The following TENM2 variants were observed in gnomAD, a reference collection of about 807,000 sequenced individuals.
The protein encoded by TENM2 is teneurin transmembrane protein 2.
In TENM2, 52 loss-of-function variants were observed where a neutral mutation model predicts 245.2. The observed-to-expected ratio is 0.21, with a 90% CI of 0.17 to 0.27. The LOEUF (loss-of-function observed/expected upper bound fraction) is 0.27. Ranked by LOEUF, TENM2 falls within the 10% of genes least tolerant of loss-of-function variation. TENM2 has a pLI of 1.00. For missense variants in TENM2, 3,046 were observed against 3,666.8 expected (o/e 0.83, Z 4.37); for synonymous variants, 1,363 against 1,438.9 (o/e 0.95, Z 1.19).
intron 2 of TENM2, among the ~76,000 whole-genome samples, chr5:167,733,372 G>T (rs2150564919): frequency 6.6e-6 from 1 of 152,228 alleles, no homozygotes; most frequent in Non-Finnish European, 1.5e-5. Context: ...GATTTCCATG[G>T]TGTAAGTATT....
chr5:167,112,815 A>G, the TENM2 span, among the ~76,000 whole-genome samples: 1 of 152,196 alleles, frequency 6.6e-6, no homozygotes, highest in Admixed American at 6.5e-5. Flanking sequence ...GGAATATTGG[A>G]AAATTCACAG....
chr5:167,224,410 T>A, the TENM2 span, among the ~76,000 whole-genome samples: 1 of 152,026 alleles, frequency 6.6e-6, no homozygotes, highest in Non-Finnish European at 1.5e-5. Context: ...TGCATATGAT[T>A]ATTGAGTTTC....
At chr5:168,141,211 A>G (rs1562208047) in intron 12 of TENM2, among the ~76,000 whole-genome samples, 1 of 152,128 alleles carries the variant, frequency 6.6e-6, no homozygotes, top group African/African-American at 2.4e-5. Context: ...ACAGCACAAC[A>G]CAAGTATTCT....
the TENM2 span, among the ~76,000 whole-genome samples, chr5:167,182,111 G>A: frequency 2.6e-5 from 4 of 152,106 alleles, no homozygotes; most frequent in Non-Finnish European, 2.9e-5. Context: ...ATTTAAATAC[G>A]TAGTAAAACA....
rs145485931 is a variant in TENM2, at chr5:168,252,761, C to T, written c.7432+4390C>T. On this transcript the variant is annotated intron_variant, in intron 27 of 28. Transcript: ENST00000518659. Reference sequence around the variant, plus strand: ...ACTTGGGAGGCTGAGGCAAGAGAATCGCTTTAACTTGGGAGGCAGAGATTG... The same window carrying T: ...ACTTGGGAGGCTGAGGCAAGAGAATTGCTTTAACTTGGGAGGCAGAGATTG... 3.9e-3 allele frequency among the ~76,000 whole-genome samples: 595 copies of T among 151,348 alleles called. 3 individuals are homozygous for T. The highest frequency in any genetic ancestry group is 0.014 in the African/African-American group (568 of 41,322).
At chr5:168,193,255 C>T (rs1761109533) in intron 14 of TENM2, among the ~76,000 whole-genome samples, 1 of 152,128 alleles carries the variant, frequency 6.6e-6, no homozygotes, top group Non-Finnish European at 1.5e-5. Flanking sequence ...GTGTGAATTC[C>T]AGTACATTAT....
At chr5:167,326,410 C>T (rs753451637) in intron 1 of TENM2, among the ~76,000 whole-genome samples, 1 of 152,022 alleles carries the variant, frequency 6.6e-6, no homozygotes, top group Non-Finnish European at 1.5e-5. Context: ...CATGGTGGCT[C>T]ACGCCTGTAA....
intron 2 of TENM2, among the ~76,000 whole-genome samples, chr5:167,703,714 T>A (rs1758320890): frequency 6.6e-6 from 1 of 152,178 alleles, no homozygotes; most frequent in South Asian, 2.1e-4. Flanking sequence ...ACTAAATTAG[T>A]ACTAGTCTTC....
chr5:168,194,853 C>A (rs1022173605), intron 14 of TENM2, among the ~76,000 whole-genome samples: 2 of 152,108 alleles, frequency 1.3e-5, no homozygotes, highest in East Asian at 3.9e-4. Flanking sequence ...CTCTCGGTGC[C>A]AGGCTAAAGA....
At chr5:167,311,719 C>T (rs1050607173) in intron 1 of TENM2, among the ~76,000 whole-genome samples, 11 of 152,044 alleles carry the variant, frequency 7.2e-5, no homozygotes, top group African/African-American at 1.2e-4. Flanking sequence ...AATAAAAGAA[C>T]GAGTAGGCCA....
At chr5:167,753,556 A>G (rs889474024) in intron 2 of TENM2, among the ~76,000 whole-genome samples, 2 of 152,202 alleles carry the variant, frequency 1.3e-5, no homozygotes, top group Admixed American at 6.5e-5. Flanking sequence ...TATTAATGCA[A>G]TCTTCATGAT....
Position 168,247,794 on chromosome 5 carries a change from C to T in TENM2, c.6855C>T (p.Leu2285=), listed in dbSNP as rs372762056. The T allele has an allele frequency of 1.9e-6, 3 of 1,613,876 alleles. No homozygotes were observed. Among genetic ancestry groups the T allele is most frequent in the Non-Finnish European group, 2.5e-6 (3 of 1,179,898 alleles). Residue 2285 remains leucine, a synonymous_variant, in exon 27 of 29, where the codon CTC becomes CTT. Coordinates refer to ENST00000518659, the Ensembl canonical transcript of TENM2. The surrounding 1 kb of genome is among the most constrained non-coding windows in gnomAD (Gnocchi z 7.8). ...TCTTCGAATACAATTCCAAGGGCCTCCTAACAAGAGCCTACAACAAGGCCA... is the reference window on the plus strand; with the variant it reads ...TCTTCGAATACAATTCCAAGGGCCTTCTAACAAGAGCCTACAACAAGGCCA...
intron 2 of TENM2, among the ~76,000 whole-genome samples, chr5:167,487,901 A>G (rs1768180440): frequency 6.6e-6 from 1 of 152,188 alleles, no homozygotes; most frequent in African/African-American, 2.4e-5. Flanking sequence ...CTTTCTCACA[A>G]ATTGTTAACC....
chr5:167,283,547 T>G (rs557765693), upstream of TENM2, among the ~76,000 whole-genome samples: 1 of 152,296 alleles, frequency 6.6e-6, no homozygotes, highest in South Asian at 2.1e-4. Flanking sequence ...GCTATCTTAT[T>G]ATAGTGTGGT....
intron 2 of TENM2, among the ~76,000 whole-genome samples, chr5:167,643,936 T>C (rs1779768684): frequency 6.6e-6 from 1 of 152,208 alleles, no homozygotes; most frequent in Non-Finnish European, 1.5e-5. Flanking sequence ...CTTTTAATAT[T>C]TGGAAGTAAA....
chr5:166,984,271 T>C, the TENM2 span, among the ~76,000 whole-genome samples: 2 of 152,248 alleles, frequency 1.3e-5, no homozygotes, highest in East Asian at 3.9e-4. Context: ...AGACAAGGAC[T>C]AAAGCGGGAG....
chr5:168,262,505 A>C, exon 29 of TENM2: 1 of 1,556,866 alleles, frequency 6.4e-7, no homozygotes, highest in South Asian at 1.2e-5. Context: ...CCAGTACTCC[A>C]CGCTGCTGCT....
chr5:167,001,687 TGTTG>T, the TENM2 span, among the ~76,000 whole-genome samples: 5 of 152,208 alleles, frequency 3.3e-5, no homozygotes, highest in African/African-American at 1.2e-4. Flanking sequence ...TTATTGCAAA[TGTTG>T]CTTTCCAAGT....
At chr5:167,967,468 G>A (rs1445169387) in intron 4 of TENM2, among the ~76,000 whole-genome samples, 1 of 152,158 alleles carries the variant, frequency 6.6e-6, no homozygotes, top group African/African-American at 2.4e-5. Flanking sequence ...TTCTTGGCAT[G>A]GTCTGCAAAC....
Sources: allele counts gnomAD v4.1 joint callset (sites outside exome capture counted in the v4.1 genomes callset), GRCh38; gene constraint gnomAD v4.1.1; non-coding constraint Gnocchi (gnomAD v3.1); transcripts MANE v1.5; gene names NCBI Gene and HGNC (gene_info 2026-07-23, HGNC 2026-07-21).